CLVS1: variants seen among roughly 807,000 people sequenced by gnomAD.
CLVS1 encodes clavesin 1.
In CLVS1, 10 loss-of-function variants were observed where a neutral mutation model predicts 33.1. The ratio of observed to expected loss-of-function variants is 0.30; its 90% CI spans 0.19 to 0.51. CLVS1 has a LOEUF of 0.51. Among genes scored for constraint, CLVS1 ranks in the 20% least tolerant of loss-of-function variants. The pLI is 0.97. For synonymous variants in CLVS1, 163 were observed against 166.1 expected, an observed-to-expected ratio of 0.98 and a Z score of 0.14; for missense variants, 343 against 433.4, an observed-to-expected ratio of 0.79 and a Z score of 1.85.
intron 2 of CLVS1, among the ~76,000 whole-genome samples, chr8:61,277,987 T>A (rs1223328643): frequency 6.6e-6 from 1 of 152,158 alleles, no homozygotes; most frequent in Non-Finnish European, 1.5e-5. Context: ...AGTCCTCTGG[T>A]ATCATGTCCA....
At chr8:61,177,465 C>T (rs1305229384) in intron 2 of CLVS1, among the ~76,000 whole-genome samples, 2 of 152,202 alleles carry the variant, frequency 1.3e-5, no homozygotes, top group African/African-American at 4.8e-5. Context: ...GGCACACCCT[C>T]TCCACCGAGG....
the CLVS1 span, among the ~76,000 whole-genome samples, chr8:60,968,840 A>T: frequency 1.3e-5 from 2 of 151,428 alleles, no homozygotes; most frequent in Non-Finnish European, 2.9e-5. Context: ...AGTGAGCTGC[A>T]GTCATGCCAC....
chr8:61,464,731 C>CCATGGCCACAAGGATGT (rs1481104129), intron 5 of CLVS1: 3 of 145,524 alleles, frequency 2.1e-5, no homozygotes, highest in Non-Finnish European at 4.4e-5. Flanking sequence ...ATTTTCCCCA[C>CCATGGCCACAAGGATGT]CATGGCCACA....
At chr8:61,219,971 C>T (rs1808174969) in intron 2 of CLVS1, among the ~76,000 whole-genome samples, 1 of 151,984 alleles carries the variant, frequency 6.6e-6, no homozygotes, top group South Asian at 2.1e-4. Context: ...TTGTTCATAT[C>T]CTTTGCCCAC....
At chr8:61,305,421 T>C (rs532384797) in intron 2 of CLVS1, among the ~76,000 whole-genome samples, 220 of 152,282 alleles carry the variant, frequency 1.4e-3, no homozygotes, top group African/African-American at 5.2e-3. Context: ...AGTGAGAACA[T>C]GAAATATTTG....
At chr8:61,191,804 G>A in intron 2 of CLVS1, among the ~76,000 whole-genome samples, 1 of 152,194 alleles carries the variant, frequency 6.6e-6, no homozygotes, top group Non-Finnish European at 1.5e-5. Context: ...AAATACCTAG[G>A]AATCCAACTT....
intron 2 of CLVS1, among the ~76,000 whole-genome samples, chr8:61,180,264 C>T (rs1807202887): frequency 1.3e-5 from 2 of 152,108 alleles, no homozygotes; most frequent in South Asian, 4.2e-4. Flanking sequence ...ATCCTGGACA[C>T]ATACACCCTC....
intron 2 of CLVS1, among the ~76,000 whole-genome samples, chr8:61,213,981 C>G (rs562556700): frequency 1.5e-4 from 23 of 152,266 alleles, no homozygotes; most frequent in African/African-American, 5.3e-4. Flanking sequence ...AAATGCCCCC[C>G]CACTCAAGGT....
intron 2 of CLVS1, among the ~76,000 whole-genome samples, chr8:61,261,302 C>A (rs969213818): frequency 6.6e-6 from 1 of 152,168 alleles, no homozygotes; most frequent in Non-Finnish European, 1.5e-5. Flanking sequence ...ACTGGTTAAG[C>A]AACATTATTT....
At chr8:61,318,736 C>T (rs1464033652) in intron 2 of CLVS1, among the ~76,000 whole-genome samples, 1 of 152,062 alleles carries the variant, frequency 6.6e-6, no homozygotes, top group African/African-American at 2.4e-5. Context: ...TACTCCAGTT[C>T]CCTAATTTTC....
At chr8:61,419,169 C>A (rs1029170490) in intron 3 of CLVS1, among the ~76,000 whole-genome samples, 1 of 151,962 alleles carries the variant, frequency 6.6e-6, no homozygotes, top group Non-Finnish European at 1.5e-5. Context: ...GAAGCCGAGG[C>A]GAATGGATCA....
intron 2 of CLVS1, among the ~76,000 whole-genome samples, chr8:61,239,951 G>A (rs1808657309): frequency 2.0e-5 from 3 of 152,156 alleles, no homozygotes; most frequent in African/African-American, 7.2e-5. Context: ...GGAGGCTGCA[G>A]AGCCATAGAC....
intron 2 of CLVS1, among the ~76,000 whole-genome samples, chr8:61,277,133 C>CA (rs1488670878): frequency 1.3e-5 from 2 of 152,190 alleles, no homozygotes; most frequent in African/African-American, 4.8e-5. Context: ...ACTGATATAG[C>CA]ACTTAGTATA....
intron 1 of CLVS1, among the ~76,000 whole-genome samples, chr8:61,076,069 C>G (rs1804904449): frequency 6.6e-6 from 1 of 152,140 alleles, no homozygotes; most frequent in Non-Finnish European, 1.5e-5. Flanking sequence ...GGTGTGTAAC[C>G]TGGCATGACT....
chr8:61,167,320 G>T (rs35177438), intron 2 of CLVS1, among the ~76,000 whole-genome samples: 1 of 151,676 alleles, frequency 6.6e-6, no homozygotes, highest in African/African-American at 2.4e-5. Flanking sequence ...TCAGCCTCCA[G>T]AGTAGGTGCC....
At chr8:60,981,343 C>T in the CLVS1 span, among the ~76,000 whole-genome samples, 4 of 152,198 alleles carry the variant, frequency 2.6e-5, no homozygotes, top group Admixed American at 6.5e-5. Context: ...ATTTATGTAG[C>T]TTTGAGCACA....
chr8:61,049,186 C>A, the CLVS1 span, among the ~76,000 whole-genome samples: 1 of 152,194 alleles, frequency 6.6e-6, no homozygotes, highest in Admixed American at 6.5e-5. Context: ...GTGGCACACA[C>A]TTTTCTACAA....
chr8:61,287,673 A>G (rs1809817442), upstream of CLVS1, among the ~76,000 whole-genome samples: 2 of 152,090 alleles, frequency 1.3e-5, no homozygotes, highest in South Asian at 4.2e-4. Context: ...TCTTAATACC[A>G]TTTGTTAGTA....
intron 3 of CLVS1, among the ~76,000 whole-genome samples, chr8:61,417,007 G>A (rs778512919): frequency 1.3e-5 from 2 of 152,192 alleles, no homozygotes; most frequent in Non-Finnish European, 2.9e-5. Flanking sequence ...TGTAGCAAGG[G>A]AGGTAATTGA....
Sources: allele counts gnomAD v4.1 joint callset (sites outside exome capture counted in the v4.1 genomes callset), GRCh38; gene constraint gnomAD v4.1.1; transcripts MANE v1.5; gene names NCBI Gene and HGNC (gene_info 2026-07-23, HGNC 2026-07-21).